The following CATSPERE variants were observed in gnomAD, a reference collection of about 807,000 sequenced individuals.
CATSPERE encodes the protein catsper channel auxiliary subunit epsilon.
In CATSPERE, 93 loss-of-function variants were observed where a neutral mutation model predicts 114.1. The ratio of observed to expected loss-of-function variants is 0.81; its 90% CI spans 0.69 to 0.97. The LOEUF is 0.97. Among genes scored for constraint, CATSPERE ranks in the 50% least tolerant of loss-of-function variants. The pLI is 0.00. For synonymous variants in CATSPERE, 341 were observed against 384.1 expected, an observed-to-expected ratio of 0.89 and a Z score of 1.31; for missense variants, 1,058 against 1,131.6, an observed-to-expected ratio of 0.93 and a Z score of 0.93.
chr1:244,465,379 G>A (rs1667454927), intron 2 of CATSPERE, among the ~76,000 whole-genome samples: 1 of 152,112 alleles, frequency 6.6e-6, no homozygotes, highest in Admixed American at 6.5e-5. Flanking sequence ...GAACTGAAAT[G>A]TTTTTATAAT....
At chr1:244,563,675 A>G (rs1662942641) in intron 10 of CATSPERE, among the ~76,000 whole-genome samples, 1 of 152,204 alleles carries the variant, frequency 6.6e-6, no homozygotes, top group Non-Finnish European at 1.5e-5. Flanking sequence ...TCAGATGGAT[A>G]GACTGCAAAA....
intron 8 of CATSPERE, among the ~76,000 whole-genome samples, chr1:244,544,522 T>C (rs1659413869): frequency 2.0e-5 from 3 of 152,208 alleles, no homozygotes; most frequent in African/African-American, 7.2e-5. Flanking sequence ...CCCATATTAG[T>C]TCCTGTCCTG....
chr1:244,617,302 C>T (rs777239958), intron 19 of CATSPERE, among the ~76,000 whole-genome samples: 1 of 152,132 alleles, frequency 6.6e-6, no homozygotes, highest in East Asian at 1.9e-4. Flanking sequence ...TCTCAACACT[C>T]TAATGTAATT....
intron 2 of CATSPERE, among the ~76,000 whole-genome samples, chr1:244,474,734 C>CT (rs1259175372): frequency 7.2e-6 from 1 of 139,218 alleles, no homozygotes; most frequent in Non-Finnish European, 1.6e-5. Flanking sequence ...TTTTTTTCTT[C>CT]TTCTTTTTTT....
At chr1:244,465,006 C>T in intron 2 of CATSPERE, among the ~76,000 whole-genome samples, 1 of 149,574 alleles carries the variant, frequency 6.7e-6, no homozygotes, top group Non-Finnish European at 1.5e-5. Flanking sequence ...CTCTCCCCTC[C>T]TTTGCCTTAT....
At chr1:244,484,966 G>A (rs1031752808) in intron 5 of CATSPERE, among the ~76,000 whole-genome samples, 5 of 151,656 alleles carry the variant, frequency 3.3e-5, no homozygotes, top group Non-Finnish European at 7.4e-5. Flanking sequence ...TTTTTCTTGT[G>A]TCTAGCTTCG....
intron 7 of CATSPERE, among the ~76,000 whole-genome samples, chr1:244,517,773 CAA>C (rs113797840): frequency 1.4e-5 from 2 of 140,822 alleles, no homozygotes. Context: ...ACTCTTGTCT[CAA>C]AAAAAAAAAA....
At chr1:244,495,135 C>T (rs180771415) in intron 6 of CATSPERE, among the ~76,000 whole-genome samples, 29 of 151,972 alleles carry the variant, frequency 1.9e-4, no homozygotes, top group African/African-American at 6.3e-4. Flanking sequence ...AATATAGGTG[C>T]GGTGTGCATA....
At chr1:244,520,315 A>C (rs1190541706) in intron 8 of CATSPERE, among the ~76,000 whole-genome samples, 1 of 147,578 alleles carries the variant, frequency 6.8e-6, no homozygotes, top group Non-Finnish European at 1.5e-5. Flanking sequence ...CAGTGAGTTC[A>C]TTTTGTGGTA....
chr1:244,588,635 T>G, intron 14 of CATSPERE, 101 bp downstream of exon 14: 1 of 912,324 alleles, frequency 1.1e-6, no homozygotes, highest in Non-Finnish European at 1.8e-6. Context: ...GACTGACACA[T>G]CCACAATGAA....
chr1:244,485,180 C>CTTTTTT (rs113615938), intron 5 of CATSPERE, among the ~76,000 whole-genome samples: 1 of 150,008 alleles, frequency 6.7e-6, no homozygotes. Flanking sequence ...TTTTCTTTTT[C>CTTTTTT]TTTTTTTTTC....
intron 21 of CATSPERE, among the ~76,000 whole-genome samples, chr1:244,637,360 T>A (rs1386984532): frequency 3.3e-5 from 5 of 152,210 alleles, no homozygotes; most frequent in Middle Eastern, 6.8e-3. Flanking sequence ...AGTGTTCGCA[T>A]CCAGCATCCA....
intron 8 of CATSPERE, among the ~76,000 whole-genome samples, chr1:244,519,278 A>G (rs1246814820): frequency 6.6e-6 from 1 of 152,102 alleles, no homozygotes; most frequent in Non-Finnish European, 1.5e-5. Context: ...GGGTGCACCA[A>G]CTCTGGCCTG....
At chr1:244,530,654 A>G (rs772644604) in intron 8 of CATSPERE, among the ~76,000 whole-genome samples, 4 of 152,236 alleles carry the variant, frequency 2.6e-5, no homozygotes, top group Non-Finnish European at 4.4e-5. Flanking sequence ...ATCCATGAAC[A>G]TGGAATGTTT....
intron 2 of CATSPERE, among the ~76,000 whole-genome samples, chr1:244,473,375 C>G (rs1668782469): frequency 6.6e-6 from 1 of 152,092 alleles, no homozygotes; most frequent in Non-Finnish European, 1.5e-5. Context: ...AGAGTCTTTT[C>G]ATATCTTTGT....
intron 8 of CATSPERE, among the ~76,000 whole-genome samples, chr1:244,541,916 C>A (rs1165207909): frequency 1.4e-5 from 2 of 139,254 alleles, no homozygotes; most frequent in African/African-American, 2.7e-5. Flanking sequence ...AACAAAAAAC[C>A]AAACACCGCA....
chr1:244,515,369 T>C, intron 7 of CATSPERE: 1 of 959,816 alleles, frequency 1.0e-6, no homozygotes, highest in Non-Finnish European at 1.2e-6. Flanking sequence ...TATTTATAAA[T>C]GCAGGTTTGA....
chr1:244,628,712 C>T (rs1420379926), intron 20 of CATSPERE, among the ~76,000 whole-genome samples: 4 of 152,162 alleles, frequency 2.6e-5, no homozygotes, highest in South Asian at 2.1e-4. Context: ...TTTTTATGCT[C>T]GGAGGCCTTT....
Position 244,639,984 on chromosome 1 carries a change from C to T in CATSPERE, c.2759C>T (p.Thr920Ile). 1 of 1,550,474 alleles carries T rather than the reference C, an allele frequency of 6.4e-7. No individual in the cohort carries two copies. The change falls in exon 22 of 22, where the codon ACT becomes ATT. Residue 920 changes from threonine (T) to isoleucine (I), a missense_variant. Physicochemically the swap from Thr to Ile is moderately conservative, Grantham distance 89. Coordinates refer to ENST00000366534, the MANE Select transcript of CATSPERE (RefSeq NM_001130957.2). The stretch of plus-strand genomic sequence containing the variant: ...TTCGTCCTGATGCTGCTCTTCTTCA[C>T]TATTCTTGTTTTGAGCTACTTTCGG... The part of the protein sequence containing the change: ...FLFVLMLLFF[T>I]ILVLSYFRYM...
Sources: gnomAD v4.1 joint callset for allele counts (sites outside exome capture counted in the v4.1 genomes callset) on GRCh38, gnomAD v4.1.1 for gene constraint, MANE v1.5 for transcripts, NCBI Gene and HGNC (gene_info 2026-07-23, HGNC 2026-07-21) for gene names.